Variants in MACF1 observed in about 807,000 individuals in gnomAD.
MACF1 encodes the protein microtubule-actin cross-linking factor 1.
A neutral mutation model predicts 854.8 loss-of-function variants in MACF1; 193 were observed. That is an observed-to-expected ratio of 0.23 (90% CI 0.20 to 0.25). The LOEUF is 0.25. Among genes scored for constraint, MACF1 ranks in the 10% least tolerant of loss-of-function variants. The pLI is 1.00. For missense variants in MACF1, 7,722 were observed against 8,929.1 expected (o/e 0.86, Z 5.45); for synonymous variants, 3,185 against 3,226.7 (o/e 0.99, Z 0.44).
chr1:39,419,493 G>A (rs567910335), intron 58 of MACF1, among the ~76,000 whole-genome samples: 7 of 151,352 alleles, frequency 4.6e-5, no homozygotes, highest in East Asian at 1.9e-4. Flanking sequence ...ATGCTCAACC[G>A]GTAAGTATTT....
At chr1:39,453,637 C>G in intron 87 of MACF1, 70 bp from the exon 88 acceptor site, 1 of 1,344,272 alleles carries the variant, frequency 7.4e-7, no homozygotes, top group East Asian at 2.3e-5. Flanking sequence ...TTTATCCCCC[C>G]TCAGTGTAAA....
chr1:39,394,274 G>GATTT (rs372020854), intron 58 of MACF1, among the ~76,000 whole-genome samples: 56 of 142,714 alleles, frequency 3.9e-4, no homozygotes, highest in Non-Finnish European at 3.7e-4. Flanking sequence ...TTGATTGATT[G>GATTT]ATTTATTGCC....
chr1:39,360,902 C>T lies in MACF1; in HGVS notation c.12354C>T (p.Ser4118=). 2 of 1,613,922 alleles carry T rather than the reference C, an allele frequency of 1.2e-6. No individual in the cohort carries two copies. Among genetic ancestry groups the T allele is most frequent in the African/African-American group, 1.3e-5 (1 of 74,976 alleles). ...AGAGTGTCCAGGAAAGCCTGGAGAG[C>T]CTGTTGCAGTCTATTGGGGAAGTTG... ...QSQSVQESLE[S]LLQSIGEVEQ... Residue 4118 remains serine, a synonymous_variant, in exon 48 of 101, where the codon AGC becomes AGT. Transcript: ENST00000564288.
chr1:39,368,098 A>G lies in MACF1; in HGVS notation c.12772-50A>G, dbSNP rs368987151. On this transcript the variant is annotated intron_variant, in intron 49 of 100. Transcript: ENST00000564288. Reference sequence around the variant, plus strand: ...CTCTTTCCTTATTCCTTTTTAGAGTATATTTATAAGGATTAGAGGATTTAA... The same window carrying G: ...CTCTTTCCTTATTCCTTTTTAGAGTGTATTTATAAGGATTAGAGGATTTAA... 1.3e-6 allele frequency: 2 copies of G among 1,508,118 alleles called. 1 individual carries two copies. Among genetic ancestry groups the G allele is most frequent in the African/African-American group, 2.7e-5 (2 of 72,778 alleles). 93.4% of individuals were successfully genotyped at this position (1,508,118 alleles called of 1,614,324 possible).
chr1:39,324,757 T>C lies in MACF1; in HGVS notation c.4478+23T>C, dbSNP rs1485972792. 1.9e-6 allele frequency: 3 copies of C among 1,543,128 alleles called. No homozygotes were observed. The African/African-American group carries it at 4.1e-5, about 21-fold the overall frequency. On this transcript the variant is annotated intron_variant, in intron 35 of 100. Coordinates refer to ENST00000564288, the MANE Select transcript of MACF1 (RefSeq NM_001394062.1). ...TAAGTGAGTATTAAATGAGAGATTA[T>C]GGCACATCTGGGGCACCTGGTCTAT...
intron 45 of MACF1, 95 bp from the exon 46 acceptor site, chr1:39,358,602 G>A: frequency 8.8e-7 from 1 of 1,131,388 alleles, no homozygotes; most frequent in East Asian, 2.4e-5. Context: ...GTTACAGTGA[G>A]TTGTCTGTAA....
At chr1:39,231,383 T>G (rs576466834) in intron 2 of MACF1, 140 bp downstream of exon 2, 119 of 759,042 alleles carry the variant, frequency 1.6e-4, no homozygotes, top group Non-Finnish European at 2.4e-4. Flanking sequence ...TTCTTTTCTC[T>G]TCTTTTCTTT....
intron 70 of MACF1, among the ~76,000 whole-genome samples, chr1:39,436,198 C>T (rs1156679740): frequency 6.6e-6 from 1 of 152,060 alleles, no homozygotes; most frequent in East Asian, 1.9e-4. Context: ...GTAGTAAGAG[C>T]CAAAGAGAAG....
chr1:39,254,242 C>A, intron 4 of MACF1, 56 bp from the exon 5 acceptor site: 1 of 1,389,540 alleles, frequency 7.2e-7, no homozygotes, highest in Non-Finnish European at 1.0e-6. Context: ...GAGAAAGGGT[C>A]TGTATGGTTA....
At position 39,442,502 on chromosome 1, in the gene MACF1, T is replaced by C. The variant is rs1181966228; in HGVS notation, c.19039T>C (p.Leu6347=). 1 of 1,614,100 alleles carries C rather than the reference T, an allele frequency of 6.2e-7. No individual in the cohort carries two copies. Among genetic ancestry groups the C allele is most frequent in the Non-Finnish European group, 8.5e-7 (1 of 1,180,040 alleles). The change falls in exon 77 of 101, where the codon TTA becomes CTA. Residue 6347 remains leucine, a synonymous_variant. Coordinates refer to ENST00000564288, the MANE Select transcript of MACF1 (RefSeq NM_001394062.1). ...MSWLTHTEEL[L]DAQRPISGDP... ...TTGGCTGACTCATACCGAAGAGTTG[T>C]TAGATGCTCAGAGACCAATAAGTGG...
intron 1 of MACF1, among the ~76,000 whole-genome samples, chr1:39,230,228 T>C (rs1644762425): frequency 6.6e-6 from 1 of 152,046 alleles, no homozygotes; most frequent in Non-Finnish European, 1.5e-5. Flanking sequence ...TGGACATGAA[T>C]TGGAGATGAG....
chr1:39,296,699 C>T (rs1645907172), intron 20 of MACF1, among the ~76,000 whole-genome samples: 1 of 147,422 alleles, frequency 6.8e-6, no homozygotes, highest in Non-Finnish European at 1.5e-5. Context: ...CACTGCACTC[C>T]AGCCTGGGCA....
At chr1:39,422,589 A>G (rs954329230) in intron 59 of MACF1, 54 bp downstream of exon 59, 9 of 1,558,036 alleles carry the variant, frequency 5.8e-6, no homozygotes, top group Non-Finnish European at 7.0e-6. Context: ...TAGAAAAGAG[A>G]CATCTGAATC....
At chr1:39,183,076 T>C (rs1644124956) in intron 2 of MACF1, among the ~76,000 whole-genome samples, 1 of 152,148 alleles carries the variant, frequency 6.6e-6, no homozygotes, top group African/African-American at 2.4e-5. Flanking sequence ...TTGAGAACAT[T>C]AGACTAAGTG....
chr1:39,449,697 ATT>A (rs4012670), intron 84 of MACF1, among the ~76,000 whole-genome samples: 39 of 129,754 alleles, frequency 3.0e-4, no homozygotes, highest in Admixed American at 1.8e-3. Context: ...CGCGCCTGGC[ATT>A]TTTTTTTTTT....
Position 39,332,803 on chromosome 1 carries a change from C to T in MACF1, c.6215C>T (p.Ser2072Phe), listed in dbSNP as rs1173331485. 6.2e-7 allele frequency: 1 copy of T among 1,614,112 alleles called. No individual in the cohort carries two copies. The highest frequency in any genetic ancestry group is 8.5e-7 in the Non-Finnish European group (1 of 1,180,028). Residue 2072 changes from serine (S) to phenylalanine (F), a missense_variant, in exon 37 of 101, where the codon TCT (serine) becomes TTT (phenylalanine). Ser to Phe is a radical substitution (Grantham distance 155). Around this residue, in one of 15 missense-constraint regions of MACF1, gnomAD observed 1,531 missense variants for 1,601.6 expected, o/e 0.96. Coordinates refer to ENST00000564288, the MANE Select transcript of MACF1 (RefSeq NM_001394062.1). ...GKKTTVETEDSSVENPEQDLF... is the reference protein window; with the variant it reads ...GKKTTVETEDFSVENPEQDLF... ...AAGACCACTGTAGAAACAGAAGATTCTTCTGTAGAGAACCCTGAACAGGAT... is the reference window on the plus strand; with the variant it reads ...AAGACCACTGTAGAAACAGAAGATTTTTCTGTAGAGAACCCTGAACAGGAT...
chr1:39,193,027 G>A (rs1321739092), intron 2 of MACF1, among the ~76,000 whole-genome samples: 2 of 152,062 alleles, frequency 1.3e-5, no homozygotes, highest in African/African-American at 2.4e-5. Flanking sequence ...CAGGAGAATT[G>A]CTTAAACCCG....
intron 58 of MACF1, among the ~76,000 whole-genome samples, chr1:39,406,749 A>G (rs996282088): frequency 6.6e-6 from 1 of 150,724 alleles, no homozygotes; most frequent in Non-Finnish European, 1.5e-5. Context: ...AAAAAAAAAA[A>G]AAAAAAAAAC....
chr1:39,426,101 G>C (rs1570030373), intron 61 of MACF1, among the ~76,000 whole-genome samples: 1 of 151,950 alleles, frequency 6.6e-6, no homozygotes, highest in Non-Finnish European at 1.5e-5. Context: ...ATAAAAATTA[G>C]AGGCAATTTT....
Sources: allele counts gnomAD v4.1 joint callset (sites outside exome capture counted in the v4.1 genomes callset), GRCh38; gene constraint gnomAD v4.1.1; regional missense constraint gnomAD v4.1.1; transcripts MANE v1.5; gene names NCBI Gene and HGNC (gene_info 2026-07-23, HGNC 2026-07-21).